LNX1: variants seen among roughly 807,000 people sequenced by gnomAD.
The protein encoded by LNX1 is ligand of numb-protein X 1, also known as E3 ubiquitin-protein ligase LNX.
In LNX1, 54 loss-of-function variants were observed where a neutral mutation model predicts 68.4. The observed-to-expected ratio is 0.79, with a 90% CI of 0.63 to 0.99. The LOEUF is 0.99. Ranked by LOEUF, LNX1 falls within the 50% of genes least tolerant of loss-of-function variation. The pLI is 0.00. For synonymous variants in LNX1, 336 were observed against 350.0 expected (o/e 0.96, Z 0.45); for missense variants, 906 against 926.4 (o/e 0.98, Z 0.29).
chr4:53,636,913 C>T (rs1734500553), intron 1 of LNX1, among the ~76,000 whole-genome samples: 1 of 151,580 alleles, frequency 6.6e-6, no homozygotes, highest in Admixed American at 6.6e-5. Context: ...AGGTGTTATA[C>T]ACTTATCTTG....
intron 9 of LNX1, among the ~76,000 whole-genome samples, chr4:53,475,704 G>A (rs1461704981): frequency 6.6e-6 from 1 of 152,168 alleles, no homozygotes; most frequent in Non-Finnish European, 1.5e-5. Context: ...TCTCATGCAG[G>A]TGAGCAAACA....
chr4:53,474,577 CT>C (rs1370290571), intron 9 of LNX1, among the ~76,000 whole-genome samples: 1 of 152,140 alleles, frequency 6.6e-6, no homozygotes, highest in African/African-American at 2.4e-5. Context: ...GGGAGACTTA[CT>C]TTTTGTTCTC....
In LNX1 at chr4:53,591,467, C is replaced by T. The variant is rs772395061; in HGVS notation, c.-166G>A. 2.0e-6 allele frequency: 2 copies of T among 985,586 alleles called. No individual in the cohort carries two copies. The highest frequency in any genetic ancestry group is 9.4e-5 in the South Asian group (2 of 21,296). The allele number at this position is 985,586 out of a possible 1,614,324, so 61.1% of individuals were successfully genotyped here. A position where few individuals can be genotyped will look rare whatever the true frequency, so the allele number is the denominator to read the frequency against. On this transcript the variant is annotated 5_prime_UTR_variant, in exon 1 of 11. Transcript: ENST00000263925. ...TTCCTTGTGGGTGAACCGAGCAGCT[C>T]CTTGGGCCGCCGGAGTTGTGACCAG...
In LNX1 at chr4:53,502,138, A is replaced by C. The variant is rs2271556; in HGVS notation, c.776-3295T>G. On this transcript the variant is annotated intron_variant, in intron 4 of 10. Transcript: ENST00000263925. The stretch of plus-strand genomic sequence containing the variant: ...CTAAAGGATATAATAATAATTATTA[A>C]CTGAGAGTTTACTATATGCTGGCAT... Among the ~76,000 whole-genome samples, 59 of 152,196 alleles carry C rather than the reference A, an allele frequency of 3.9e-4. No homozygotes were observed. In the East Asian group the frequency reaches 0.011, roughly 28 times the overall value.
chr4:53,495,718 A>AT (rs1403109991), intron 6 of LNX1, among the ~76,000 whole-genome samples: 9 of 151,844 alleles, frequency 5.9e-5, no homozygotes, highest in Admixed American at 1.3e-4. Flanking sequence ...AATTTTTTGT[A>AT]TTTTTAGTAG....
chr4:53,540,713 CCT>C (rs766918914), intron 2 of LNX1, among the ~76,000 whole-genome samples: 12 of 151,808 alleles, frequency 7.9e-5, no homozygotes, highest in South Asian at 2.1e-4. Flanking sequence ...AAAAAACCCC[CCT>C]GTTATTATTA....
chr4:53,498,875 A>G, intron 4 of LNX1, 32 bp from the exon 5 acceptor site: 1 of 1,543,410 alleles, frequency 6.5e-7, no homozygotes, highest in Non-Finnish European at 8.9e-7. Flanking sequence ...TATTTAAGAC[A>G]CCCACCCAAT....
intron 1 of LNX1, among the ~76,000 whole-genome samples, chr4:53,628,805 A>G (rs566344076): frequency 1.8e-4 from 27 of 152,096 alleles, no homozygotes; most frequent in Non-Finnish European, 2.9e-5. Flanking sequence ...ATAAAAAGAA[A>G]TGAAATAATG....
intron 2 of LNX1, among the ~76,000 whole-genome samples, chr4:53,552,581 C>G (rs1441828958): frequency 6.6e-6 from 1 of 152,106 alleles, no homozygotes; most frequent in Non-Finnish European, 1.5e-5. Flanking sequence ...GTAATTCCAG[C>G]ACTTTGGGAG....
chr4:53,526,495 C>A (rs1405562762), intron 2 of LNX1, among the ~76,000 whole-genome samples: 2 of 152,048 alleles, frequency 1.3e-5, no homozygotes, highest in East Asian at 3.8e-4. Flanking sequence ...CTTGGCCAAG[C>A]AGCTGGTAAA....
chr4:53,522,657 C>G lies in LNX1; in HGVS notation c.381-14430G>C, dbSNP rs112445879. On this transcript the variant is annotated intron_variant, in intron 2 of 10. Coordinates refer to ENST00000263925, the MANE Select transcript of LNX1 (RefSeq NM_001126328.3). ...CACAACAGACATTCATGAAATACTT[C>G]TTTACTTTTATTAGGATCAAATAGG... Among the ~76,000 whole-genome samples, 475 of 152,302 alleles carry G rather than the reference C, an allele frequency of 3.1e-3. 1 individual carries two copies. Among genetic ancestry groups the G allele is most frequent in the African/African-American group, 9.5e-3 (395 of 41,564 alleles).
At chr4:53,496,527 T>G in intron 5 of LNX1, 133 bp from the exon 6 acceptor site, 1 of 1,117,050 alleles carries the variant, frequency 9.0e-7, no homozygotes, top group Non-Finnish European at 1.2e-6. Flanking sequence ...CTGTGTCCAA[T>G]AACCGCACCT....
chr4:53,497,898 G>T (rs1725184175), intron 5 of LNX1, among the ~76,000 whole-genome samples: 2 of 152,180 alleles, frequency 1.3e-5, no homozygotes, highest in Non-Finnish European at 2.9e-5. Context: ...AACCTAGAAG[G>T]GATGGGATAG....
intron 9 of LNX1, among the ~76,000 whole-genome samples, chr4:53,469,375 A>T (rs1009712892): frequency 2.0e-5 from 3 of 152,226 alleles, no homozygotes; most frequent in African/African-American, 7.2e-5. Context: ...CTGAATGCTC[A>T]CAAGAGAAAG....
At chr4:53,567,945 G>T (rs1730822702) in intron 2 of LNX1, among the ~76,000 whole-genome samples, 1 of 151,984 alleles carries the variant, frequency 6.6e-6, no homozygotes, top group African/African-American at 2.4e-5. Flanking sequence ...GACTAAACCA[G>T]GAAGAAGTTG....
chr4:53,488,869 G>C (rs1205853726), intron 6 of LNX1, among the ~76,000 whole-genome samples: 1 of 152,112 alleles, frequency 6.6e-6, no homozygotes, highest in Non-Finnish European at 1.5e-5. Flanking sequence ...TGATATGTCA[G>C]TGTATTTCAC....
intron 4 of LNX1, among the ~76,000 whole-genome samples, chr4:53,506,636 C>T (rs908073548): frequency 1.3e-5 from 2 of 151,930 alleles, no homozygotes; most frequent in African/African-American, 4.8e-5. Flanking sequence ...GGGTGGATCA[C>T]CTGAGTTCAG....
At chr4:53,639,530 G>A (rs373707026) in intron 1 of LNX1, among the ~76,000 whole-genome samples, 27 of 152,158 alleles carry the variant, frequency 1.8e-4, no homozygotes, top group African/African-American at 5.3e-4. Flanking sequence ...AAACAGAAAC[G>A]TACATTAAAC....
At chr4:53,652,020 T>TGTGAGAGAGAGAGAGAGAGA (rs1299346353) in intron 1 of LNX1, 100 of 106,896 alleles carry the variant, frequency 9.4e-4, no homozygotes, top group Middle Eastern at 4.9e-3. Flanking sequence ...TGTGTGTGTG[T>TGTGAGAGAGAGAGAGAGAGA]GAGAGAGAGA....
Sources: gnomAD v4.1 joint callset for allele counts (sites outside exome capture counted in the v4.1 genomes callset) on GRCh38, gnomAD v4.1.1 for gene constraint, MANE v1.5 for transcripts, NCBI Gene and HGNC (gene_info 2026-07-23, HGNC 2026-07-21) for gene names.